Variants in CAMK4 observed in about 807,000 individuals in gnomAD.
CAMK4 encodes the protein calcium/calmodulin dependent protein kinase IV, also known as calcium/calmodulin-dependent protein kinase type IV.
Under a neutral mutation model 44.9 loss-of-function variants are expected in CAMK4, and 22 were observed. The ratio of observed to expected loss-of-function variants is 0.49; its 90% CI spans 0.35 to 0.70. The LOEUF is 0.70. Ranked by LOEUF, CAMK4 falls within the 30% of genes least tolerant of loss-of-function variation. The probability of loss-of-function intolerance (pLI) is 0.01; values close to 1 mark genes in which losing one functional copy is unlikely to be tolerated. For missense variants in CAMK4, 498 were observed against 586.8 expected (o/e 0.85, Z 1.56); for synonymous variants, 218 against 215.4 (o/e 1.01, Z -0.11).
intron 1 of CAMK4, among the ~76,000 whole-genome samples, chr5:111,321,961 T>C (rs1748681525): frequency 6.6e-6 from 1 of 152,108 alleles, no homozygotes; most frequent in African/African-American, 2.4e-5. Flanking sequence ...GTAACAATCA[T>C]GACTGAATCA....
At chr5:111,239,247 A>G (rs1483047772) in intron 1 of CAMK4, among the ~76,000 whole-genome samples, 1 of 152,134 alleles carries the variant, frequency 6.6e-6, no homozygotes, top group Non-Finnish European at 1.5e-5. Context: ...CAAACCTTGA[A>G]AAACCTATGA....
At chr5:111,227,907 T>C (rs1240863331) in intron 1 of CAMK4, among the ~76,000 whole-genome samples, 1 of 152,234 alleles carries the variant, frequency 6.6e-6, no homozygotes, top group East Asian at 1.9e-4. Context: ...TATTCAGGGC[T>C]CCAGATCCTC....
chr5:111,450,070 G>T (rs1754172132), intron 7 of CAMK4, among the ~76,000 whole-genome samples: 1 of 152,174 alleles, frequency 6.6e-6, no homozygotes, highest in African/African-American at 2.4e-5. Flanking sequence ...TATAATCCCA[G>T]CACTTTGGGA....
chr5:111,299,086 A>G (rs189691085), intron 1 of CAMK4, among the ~76,000 whole-genome samples: 1 of 152,344 alleles, frequency 6.6e-6, no homozygotes, highest in Non-Finnish European at 1.5e-5. Context: ...CTATAGGCAC[A>G]TGTCCCTACC....
chr5:111,448,886 G>A (rs999179169), intron 6 of CAMK4, among the ~76,000 whole-genome samples: 2 of 152,144 alleles, frequency 1.3e-5, no homozygotes, highest in Non-Finnish European at 2.9e-5. Flanking sequence ...GAAGAACAAA[G>A]ATTAAATATA....
intron 5 of CAMK4, among the ~76,000 whole-genome samples, chr5:111,421,503 TA>T (rs1753031538): frequency 6.6e-6 from 1 of 152,232 alleles, no homozygotes; most frequent in Non-Finnish European, 1.5e-5. Context: ...TCAAAAACTC[TA>T]ACTGCAAAAA....
At chr5:111,324,309 A>G (rs1196607308) in intron 1 of CAMK4, among the ~76,000 whole-genome samples, 1 of 152,028 alleles carries the variant, frequency 6.6e-6, no homozygotes, top group East Asian at 1.9e-4. Context: ...TAGGAGATGC[A>G]CTTTAAATAT....
intron 5 of CAMK4, among the ~76,000 whole-genome samples, chr5:111,416,990 A>G (rs1283451963): frequency 6.6e-6 from 1 of 152,250 alleles, no homozygotes; most frequent in East Asian, 1.9e-4. Flanking sequence ...ATGATGTTTT[A>G]AAGTGTGTAA....
In CAMK4 at chr5:111,238,356, T is replaced by C. The variant is rs529951106; in HGVS notation, c.161+13712T>C. Among the ~76,000 whole-genome samples the C allele has an allele frequency of 7.9e-5, 12 of 152,096 alleles. No individual in the cohort carries two copies. The South Asian group carries it at 2.3e-3, about 29-fold the overall frequency. ...GATGTGCCTTCGGCAGAAAATTAGGTTTAGGTGAGGTGATGAGGCATTAGT... is the reference window on the plus strand; with the variant it reads ...GATGTGCCTTCGGCAGAAAATTAGGCTTAGGTGAGGTGATGAGGCATTAGT... On this transcript the variant is annotated intron_variant, in intron 1 of 10. Transcript: ENST00000282356.
At chr5:111,250,136 A>G (rs902030052) in intron 1 of CAMK4, among the ~76,000 whole-genome samples, 4 of 152,222 alleles carry the variant, frequency 2.6e-5, no homozygotes, top group African/African-American at 9.6e-5. Context: ...TGTCAAATTT[A>G]CTATGTCCTA....
intron 5 of CAMK4, among the ~76,000 whole-genome samples, chr5:111,432,672 A>G (rs1753500120): frequency 6.7e-6 from 1 of 148,504 alleles, no homozygotes; most frequent in Non-Finnish European, 1.5e-5. Context: ...GTATATATAT[A>G]TATATATATA....
chr5:111,361,531 A>G (rs187637349), intron 2 of CAMK4, among the ~76,000 whole-genome samples: 388 of 152,146 alleles, frequency 2.6e-3, no homozygotes, highest in African/African-American at 5.5e-3. Flanking sequence ...TGTCTTTACC[A>G]TATAAAAATT....
intron 9 of CAMK4, among the ~76,000 whole-genome samples, chr5:111,481,517 C>T (rs1196884436): frequency 1.3e-5 from 2 of 152,132 alleles, no homozygotes; most frequent in Non-Finnish European, 2.9e-5. Context: ...GTATTTATTC[C>T]TCATTTGACT....
intron 1 of CAMK4, among the ~76,000 whole-genome samples, chr5:111,264,430 G>T (rs1750137419): frequency 6.6e-6 from 1 of 152,186 alleles, no homozygotes; most frequent in Admixed American, 6.5e-5. Context: ...AGCAGGTAAA[G>T]AACTCCTTGC....
At chr5:111,456,501 A>T (rs867237294) in intron 7 of CAMK4, among the ~76,000 whole-genome samples, 1 of 151,988 alleles carries the variant, frequency 6.6e-6, no homozygotes, top group African/African-American at 2.4e-5. Context: ...AAAAAATAAA[A>T]ATAAAAATAA....
At chr5:111,419,058 A>G (rs1454372900) in intron 5 of CAMK4, among the ~76,000 whole-genome samples, 1 of 152,140 alleles carries the variant, frequency 6.6e-6, no homozygotes, top group Non-Finnish European at 1.5e-5. Flanking sequence ...CAGTCCCACC[A>G]ACAGTGTAAA....
intron 2 of CAMK4, among the ~76,000 whole-genome samples, chr5:111,355,520 A>G (rs1750304707): frequency 1.7e-5 from 1 of 60,516 alleles, no homozygotes; most frequent in Non-Finnish European, 3.6e-5. Context: ...ATTTTATTAT[A>G]CTTTAAGTTT....
intron 1 of CAMK4, among the ~76,000 whole-genome samples, chr5:111,315,114 T>C (rs974581316): frequency 2.6e-5 from 4 of 152,222 alleles, no homozygotes; most frequent in African/African-American, 7.2e-5. Context: ...CATACTTTAT[T>C]TGAAGTGTGT....
At chr5:111,278,639 T>G (rs922189528) in intron 1 of CAMK4, among the ~76,000 whole-genome samples, 2 of 152,152 alleles carry the variant, frequency 1.3e-5, no homozygotes, top group Admixed American at 6.5e-5. Flanking sequence ...AAATCCCTGA[T>G]ATAAAGAAGT....
Sources: gnomAD v4.1 joint callset for allele counts (sites outside exome capture counted in the v4.1 genomes callset) on GRCh38, gnomAD v4.1.1 for gene constraint, MANE v1.5 for transcripts, NCBI Gene and HGNC (gene_info 2026-07-23, HGNC 2026-07-21) for gene names.